Variants in EHD1 observed in about 807,000 individuals in gnomAD.
The protein encoded by EHD1 is EH domain-containing protein 1.
In EHD1, 19 loss-of-function variants were observed where a neutral mutation model predicts 39.0. The ratio of observed to expected loss-of-function variants is 0.49; its 90% CI spans 0.34 to 0.72. The LOEUF (loss-of-function observed/expected upper bound fraction) is 0.72, where lower values mean the gene tolerates loss of function less well. EHD1 is among the 30% of genes least tolerant of loss of function. The probability of loss-of-function intolerance (pLI) is 0.01; values close to 1 mark genes in which losing one functional copy is unlikely to be tolerated. For synonymous variants in EHD1, 323 were observed against 331.2 expected, an observed-to-expected ratio of 0.98 and a Z score of 0.27; for missense variants, 542 against 751.5, an observed-to-expected ratio of 0.72 and a Z score of 3.26.
Position 64,878,231 on chromosome 11 carries a change from CAG to C in EHD1, c.232_233del (p.Leu78AspfsTer28). ...STGKTTFIRH[L>X]IEQDFPGMRI... Reference sequence around the variant, plus strand: ...GCATCCCCGGGAAGTCCTGCTCGATCAGGTGTCGGATGAAGGTGGTCTTGCCC... The same window carrying C: ...GCATCCCCGGGAAGTCCTGCTCGATCGTGTCGGATGAAGGTGGTCTTGCCC... On this transcript the variant is annotated frameshift_variant, in exon 1 of 5. Transcript: ENST00000320631. LOFTEE classifies it high-confidence loss of function. 6.2e-7 allele frequency: 1 copy of C among 1,613,642 alleles called. No individual in the cohort carries two copies. The highest frequency in any genetic ancestry group is 8.5e-7 in the Non-Finnish European group (1 of 1,179,616).
At chr11:64,865,427 A>C (rs1943757694) in intron 2 of EHD1, among the ~76,000 whole-genome samples, 1 of 152,250 alleles carries the variant, frequency 6.6e-6, no homozygotes, top group Non-Finnish European at 1.5e-5. Flanking sequence ...GCCCAAGGCA[A>C]CAAGACTTCA....
intron 2 of EHD1, among the ~76,000 whole-genome samples, chr11:64,872,138 G>A (rs1051905249): frequency 3.3e-5 from 5 of 152,186 alleles, no homozygotes; most frequent in Non-Finnish European, 7.4e-5. Flanking sequence ...ATGATGGCCC[G>A]CGCCTGTGGG....
chr11:64,861,235 T>C (rs1370212865), intron 2 of EHD1, among the ~76,000 whole-genome samples: 1 of 150,592 alleles, frequency 6.6e-6, no homozygotes, highest in Non-Finnish European at 1.5e-5. Context: ...CACAGCACCC[T>C]GAGGGCAGGA....
chr11:64,879,289 G>T (rs1565727557), upstream of EHD1: 1 of 923,734 alleles, frequency 1.1e-6, no homozygotes, highest in Non-Finnish European at 1.4e-6. Context: ...GGCCGACGGG[G>T]TGGGAATGGG....
chr11:64,869,242 G>T (rs931325332), intron 2 of EHD1, among the ~76,000 whole-genome samples: 1 of 152,252 alleles, frequency 6.6e-6, no homozygotes, highest in Non-Finnish European at 1.5e-5. Context: ...CGCCTGGTAC[G>T]CCTCCTCTGT....
At position 64,878,047 on chromosome 11, in the gene EHD1, T is replaced by G; in HGVS notation, c.404+14A>C. ...CGGACGCGCCCCCCGCCCCCTGGAG[T>G]GATGGGTGGGTACCTGTTGAGGAAA... is the stretch of plus-strand genomic sequence containing the variant. On this transcript the variant is annotated intron_variant, in intron 1 of 4. Coordinates refer to ENST00000320631, the MANE Select transcript of EHD1 (RefSeq NM_006795.4). The G allele has an allele frequency of 2.7e-6, 4 of 1,481,778 alleles. No individual in the cohort carries two copies. The highest frequency in any genetic ancestry group is 2.4e-5 in the East Asian group (1 of 42,010). 91.8% of individuals were successfully genotyped at this position (1,481,778 alleles called of 1,614,324 possible). A position where few individuals can be genotyped will look rare whatever the true frequency, so the allele number is the denominator to read the frequency against.
chr11:64,867,584 T>C (rs995470014), intron 2 of EHD1, among the ~76,000 whole-genome samples: 13 of 152,084 alleles, frequency 8.5e-5, no homozygotes, highest in African/African-American at 2.9e-4. Context: ...CTGGGCGTGG[T>C]GGCAGGCGCC....
At chr11:64,866,305 T>C (rs1943766044) in intron 2 of EHD1, among the ~76,000 whole-genome samples, 1 of 152,134 alleles carries the variant, frequency 6.6e-6, no homozygotes, top group African/African-American at 2.4e-5. Context: ...ATGTTCTCAC[T>C]CATCCATGGG....
In EHD1 at chr11:64,864,491, A is replaced by G. The variant is rs373909951; in HGVS notation, c.503-4155T>C. Among the ~76,000 whole-genome samples the G allele has an allele frequency of 3.5e-3, 533 of 151,560 alleles. 3 individuals carry two copies. Among genetic ancestry groups the G allele is most frequent in the African/African-American group, 0.012 (511 of 41,574 alleles). On this transcript the variant is annotated intron_variant, in intron 2 of 4. Transcript: ENST00000320631. ...AGGCCAAGGGCAACATGAGGGAAAC[A>G]GGGGCAGGGAGAGGCCGCCTCTGCC...
intron 2 of EHD1, among the ~76,000 whole-genome samples, chr11:64,865,131 G>A (rs1397169450): frequency 6.6e-6 from 1 of 152,250 alleles, no homozygotes; most frequent in Admixed American, 6.5e-5. Context: ...GGGAAACACA[G>A]TGACTGGCCA....
At chr11:64,860,775 A>G (rs1319143616) in intron 2 of EHD1, among the ~76,000 whole-genome samples, 3 of 151,194 alleles carry the variant, frequency 2.0e-5, no homozygotes, top group Non-Finnish European at 4.4e-5. Flanking sequence ...TAATCCCGAC[A>G]CTTTGGGAGG....
At chr11:64,866,271 C>T (rs571710806) in intron 2 of EHD1, among the ~76,000 whole-genome samples, 2 of 152,268 alleles carry the variant, frequency 1.3e-5, no homozygotes, top group East Asian at 1.9e-4. Context: ...AACCAAATAC[C>T]GCATGTTCCA....
At position 64,878,445 on chromosome 11, in the gene EHD1, T is replaced by C; in HGVS notation, c.20A>G (p.Lys7Arg). ...CGGCTCCTTCTTGCGGCGGGCATCC[T>C]TGCTGACCCAGCTGAACATACTGCC... is the stretch of plus-strand genomic sequence containing the variant. Reference protein sequence around the residue: MFSWVSKDARRKKEPEL... With the variant: MFSWVSRDARRKKEPEL... The change falls in exon 1 of 5, where the codon AAG becomes AGG. Residue 7 changes from lysine to arginine, a missense_variant. By Grantham distance (26) the Lys-to-Arg change is conservative. Transcript: ENST00000320631. 1 of 1,610,884 alleles carries C rather than the reference T, an allele frequency of 6.2e-7. No individual in the cohort carries two copies. Among genetic ancestry groups the C allele is most frequent in the South Asian group, 1.1e-5 (1 of 90,950 alleles).
At chr11:64,861,738 G>T (rs1159411728) in intron 2 of EHD1, among the ~76,000 whole-genome samples, 1 of 152,192 alleles carries the variant, frequency 6.6e-6, no homozygotes, top group East Asian at 1.9e-4. Flanking sequence ...AAAGCTGGAA[G>T]TATTAACTAT....
chr11:64,874,324 A>T, intron 2 of EHD1, 97 bp downstream of exon 2: 52 of 739,096 alleles, frequency 7.0e-5, no homozygotes, highest in Non-Finnish European at 1.0e-4. Context: ...AAAAAAAAGG[A>T]GAAATCTCAA....
intron 1 of EHD1, 49 bp downstream of exon 1, chr11:64,878,012 G>C (rs1406007811): frequency 5.4e-6 from 8 of 1,473,590 alleles, no homozygotes; most frequent in Non-Finnish European, 7.2e-6. Context: ...TCCGAGTGAG[G>C]GGTGTGCCCC....
rs61466955 is a variant in EHD1, at chr11:64,852,467, T to TC, written c.*1865dup. The TC allele has an allele frequency of 6.6e-6, 1 of 151,914 alleles. No individual in the cohort carries two copies. Among genetic ancestry groups the TC allele is most frequent in the Admixed American group, 6.6e-5 (1 of 15,224 alleles). 9.4% of individuals were successfully genotyped at this position (151,914 alleles called of 1,614,324 possible). On this transcript the variant is annotated 3_prime_UTR_variant, in exon 5 of 5. Coordinates refer to ENST00000320631, the MANE Select transcript of EHD1 (RefSeq NM_006795.4). ...AGCTATCAACATCCTCCCAACTGTT[T>TC]CCCCCCTCCCCACCCCAAGTGAACT... is the stretch of plus-strand genomic sequence containing the variant.
intron 3 of EHD1, among the ~76,000 whole-genome samples, chr11:64,858,984 G>C (rs936078705): frequency 2.6e-5 from 4 of 152,324 alleles, no homozygotes; most frequent in Middle Eastern, 3.4e-3. Context: ...CTGGCACCCT[G>C]TCTCCTCACG....
upstream of EHD1, chr11:64,878,972 C>G: frequency 1.0e-6 from 1 of 1,002,598 alleles, no homozygotes; most frequent in South Asian, 4.3e-5. Flanking sequence ...CGCGGGATGG[C>G]TCCACGAGAC....
Sources: allele counts gnomAD v4.1 joint callset (sites outside exome capture counted in the v4.1 genomes callset), GRCh38; gene constraint gnomAD v4.1.1; transcripts MANE v1.5; gene names NCBI Gene and HGNC (gene_info 2026-07-23, HGNC 2026-07-21).